RNF32: variants seen among roughly 807,000 people sequenced by gnomAD.
RNF32 encodes the protein ring finger protein 32.
In RNF32, 36 loss-of-function variants were observed where a neutral mutation model predicts 41.0. The observed-to-expected ratio is 0.88, with a 90% CI of 0.67 to 1.16. The LOEUF (loss-of-function observed/expected upper bound fraction) is 1.16. Among genes scored for constraint, RNF32 ranks in the 50% most tolerant of loss-of-function variants. The probability of loss-of-function intolerance (pLI) is 0.00; values close to 1 mark genes in which losing one functional copy is unlikely to be tolerated. For synonymous variants in RNF32, 154 were observed against 160.9 expected, an observed-to-expected ratio of 0.96 and a Z score of 0.32; for missense variants, 413 against 436.7, an observed-to-expected ratio of 0.95 and a Z score of 0.48.
upstream of RNF32, chr7:156,640,328 G>A (rs1480026451): frequency 1.3e-5 from 6 of 450,986 alleles, no homozygotes; most frequent in East Asian, 4.2e-4. Context: ...CGGGGCCCAG[G>A]CCCAGGTGGG....
At chr7:156,675,046 G>C (rs1232804380) in intron 7 of RNF32, among the ~76,000 whole-genome samples, 1 of 152,214 alleles carries the variant, frequency 6.6e-6, no homozygotes, top group Non-Finnish European at 1.5e-5. Flanking sequence ...AAATTACACG[G>C]ATTTACTTAG....
intron 7 of RNF32, among the ~76,000 whole-genome samples, chr7:156,674,335 G>C (rs1803315567): frequency 6.6e-6 from 1 of 152,238 alleles, no homozygotes. Flanking sequence ...GGCCCCACCT[G>C]GGCATGGGGG....
chr7:156,641,734 CTG>C (rs1235012820), intron 1 of RNF32, among the ~76,000 whole-genome samples: 1 of 152,308 alleles, frequency 6.6e-6, no homozygotes. Flanking sequence ...GTGATGCAAA[CTG>C]TATCTTCTGC....
chr7:156,654,463 T>C (rs1799289052), intron 3 of RNF32, 113 bp from the exon 4 acceptor site: 2 of 826,242 alleles, frequency 2.4e-6, no homozygotes, highest in African/African-American at 1.7e-5. Flanking sequence ...ATAAAGTATG[T>C]GATCTATATG....
chr7:156,663,401 A>G (rs1019835925), intron 7 of RNF32, among the ~76,000 whole-genome samples: 4 of 152,258 alleles, frequency 2.6e-5, no homozygotes, highest in Admixed American at 6.5e-5. Context: ...TTATATTTAT[A>G]TTAAAATAAG....
intron 7 of RNF32, among the ~76,000 whole-genome samples, chr7:156,668,504 C>T (rs1353399619): frequency 6.6e-6 from 1 of 152,194 alleles, no homozygotes; most frequent in African/African-American, 2.4e-5. Flanking sequence ...TGACTTGCAC[C>T]TGTGGGTCTT....
intron 3 of RNF32, among the ~76,000 whole-genome samples, chr7:156,650,634 G>C (rs1411664547): frequency 6.6e-6 from 1 of 152,218 alleles, no homozygotes; most frequent in East Asian, 1.9e-4. Context: ...GGGAGATGTG[G>C]ATGTTTGAAG....
At chr7:156,656,139 A>G (rs1409308798) in intron 4 of RNF32, among the ~76,000 whole-genome samples, 2 of 152,226 alleles carry the variant, frequency 1.3e-5, no homozygotes, top group East Asian at 3.8e-4. Flanking sequence ...TTAATTCCGT[A>G]TAGTAGGCAT....
At chr7:156,658,304 C>G (rs1167587906) in intron 6 of RNF32, 52 bp downstream of exon 6, 1 of 1,597,590 alleles carries the variant, frequency 6.3e-7, no homozygotes, top group Non-Finnish European at 8.5e-7. Flanking sequence ...CAGGCTATGA[C>G]AACTAACTTG....
chr7:156,671,554 T>C (rs1293832869), intron 7 of RNF32, among the ~76,000 whole-genome samples: 1 of 152,230 alleles, frequency 6.6e-6, no homozygotes, highest in Non-Finnish European at 1.5e-5. Flanking sequence ...ATGATGCAGA[T>C]GTCATCATAG....
At chr7:156,672,253 C>T (rs750496963) in intron 7 of RNF32, among the ~76,000 whole-genome samples, 9 of 152,236 alleles carry the variant, frequency 5.9e-5, no homozygotes, top group African/African-American at 1.4e-4. Context: ...ATGGTCGGTG[C>T]GTGTACTGAG....
chr7:156,674,473 A>G (rs1438325256), intron 7 of RNF32, among the ~76,000 whole-genome samples: 2 of 152,028 alleles, frequency 1.3e-5, no homozygotes, highest in African/African-American at 4.8e-5. Context: ...TTTGCTTTAC[A>G]CTCTTCACAT....
chr7:156,661,557 G>A (rs1175862404), intron 7 of RNF32, among the ~76,000 whole-genome samples: 1 of 152,186 alleles, frequency 6.6e-6, no homozygotes, highest in Non-Finnish European at 1.5e-5. Flanking sequence ...CCAGCTTCAG[G>A]TGATCTGCCT....
chr7:156,643,619 G>A (rs1186046058), intron 1 of RNF32, among the ~76,000 whole-genome samples, 182 bp from the exon 2 acceptor site: 1 of 152,156 alleles, frequency 6.6e-6, no homozygotes, highest in Non-Finnish European at 1.5e-5. Flanking sequence ...GGGATGAGTC[G>A]AAGCATAACT....
Position 156,660,177 on chromosome 7 carries a change from C to G in RNF32, c.684+1607C>G, listed in dbSNP as rs975599113. On this transcript the variant is annotated intron_variant, in intron 7 of 8. Transcript: ENST00000317955. The stretch of plus-strand genomic sequence containing the variant: ...TTCTGAGCACACTCTTGCCCGCCCC[C>G]GCATGTCCTGCCCGTTCCTACTGGT... 28 of 985,518 alleles carry G rather than the reference C, an allele frequency of 2.8e-5. No homozygotes were observed. In the South Asian group the frequency reaches 1.2e-3, roughly 41 times the overall value. 61.0% of individuals were successfully genotyped at this position (985,518 alleles called of 1,614,324 possible).
chr7:156,668,249 G>C (rs547421958), intron 7 of RNF32, among the ~76,000 whole-genome samples: 4 of 152,308 alleles, frequency 2.6e-5, no homozygotes, highest in Admixed American at 6.5e-5. Context: ...TCAGAGAAGA[G>C]AGGTCACCTC....
At chr7:156,644,039 G>C (rs528093578) in intron 2 of RNF32, 147 bp downstream of exon 2, 528 of 687,244 alleles carry the variant, frequency 7.7e-4, no homozygotes, top group Admixed American at 9.7e-4. Context: ...GTGTCGCATG[G>C]GGCAGTGGAC....
At chr7:156,641,512 T>C (rs1170989607) in intron 1 of RNF32, among the ~76,000 whole-genome samples, 1 of 152,242 alleles carries the variant, frequency 6.6e-6, no homozygotes, top group Non-Finnish European at 1.5e-5. Flanking sequence ...TATTTGGTTT[T>C]CTCATTTATA....
intron 3 of RNF32, among the ~76,000 whole-genome samples, chr7:156,647,921 C>T (rs1364693626): frequency 6.6e-6 from 1 of 152,146 alleles, no homozygotes; most frequent in Non-Finnish European, 1.5e-5. Context: ...ATTTGCATTT[C>T]CCTGATGACG....
Sources: gnomAD v4.1 joint callset for allele counts (sites outside exome capture counted in the v4.1 genomes callset) on GRCh38, gnomAD v4.1.1 for gene constraint, MANE v1.5 for transcripts, NCBI Gene and HGNC (gene_info 2026-07-23, HGNC 2026-07-21) for gene names.